LPAR1: variants seen among roughly 807,000 people sequenced by gnomAD.
LPAR1 encodes the protein LPA receptor 1.
In LPAR1, 5 loss-of-function variants were observed where a neutral mutation model predicts 23.8. The ratio of observed to expected loss-of-function variants is 0.21; its 90% CI spans 0.11 to 0.44. LPAR1 has a LOEUF of 0.44. Among genes scored for constraint, LPAR1 ranks in the 20% least tolerant of loss-of-function variants. LPAR1 has a pLI of 0.99. For synonymous variants in LPAR1, 160 were observed against 164.7 expected, an observed-to-expected ratio of 0.97 and a Z score of 0.22; for missense variants, 311 against 482.8, an observed-to-expected ratio of 0.64 and a Z score of 3.33.
chr9:111,036,944 T>A (rs561571023), intron 1 of LPAR1, among the ~76,000 whole-genome samples: 8 of 152,354 alleles, frequency 5.3e-5, no homozygotes, highest in Non-Finnish European at 8.8e-5. Flanking sequence ...TGTATTTTAA[T>A]GATGTTTAGT....
At position 111,017,252 on chromosome 9, in the gene LPAR1, T is replaced by A. The variant is rs188888056; in HGVS notation, c.-182+18870A>T. Among the ~76,000 whole-genome samples the A allele has an allele frequency of 4.4e-3, 677 of 152,336 alleles. 7 individuals are homozygous for A. The highest frequency in any genetic ancestry group is 0.017 in the Middle Eastern group (5 of 294). On this transcript the variant is annotated intron_variant, in intron 2 of 5. Coordinates refer to ENST00000683809, the MANE Select transcript of LPAR1 (RefSeq NM_001351411.2). ...ACTTCCTCTTACCCCATTTCCTTCC[T>A]ATGCTTATTAAATTTCACTATATTT...
chr9:110,945,125 A>T (rs922539309), intron 4 of LPAR1, among the ~76,000 whole-genome samples: 1 of 152,200 alleles, frequency 6.6e-6, no homozygotes, highest in Non-Finnish European at 1.5e-5. Flanking sequence ...GCAGAAAGCA[A>T]CAGGTCAAAA....
At chr9:110,972,956 A>C (rs936773439) in intron 3 of LPAR1, among the ~76,000 whole-genome samples, 2 of 151,864 alleles carry the variant, frequency 1.3e-5, no homozygotes, top group African/African-American at 4.8e-5. Flanking sequence ...CAAAAAAAAG[A>C]AAAAGAAAAA....
At chr9:110,943,925 AG>A (rs897334540) in intron 4 of LPAR1, among the ~76,000 whole-genome samples, 1 of 151,998 alleles carries the variant, frequency 6.6e-6, no homozygotes, top group Non-Finnish European at 1.5e-5. Flanking sequence ...ACATGTTTTA[AG>A]GGCTTATGAG....
At chr9:110,950,222 G>T (rs1364828798) in intron 4 of LPAR1, among the ~76,000 whole-genome samples, 2 of 152,002 alleles carry the variant, frequency 1.3e-5, no homozygotes, top group African/African-American at 4.8e-5. Flanking sequence ...CACTGTGAAG[G>T]GCTGAGGCAG....
chr9:110,934,869 G>A (rs10980640), intron 5 of LPAR1, among the ~76,000 whole-genome samples: 24,675 of 151,716 alleles, frequency 0.16, 2,743 homozygotes, highest in East Asian at 0.6. Context: ...GAGGAGAGGA[G>A]AGAGAGAGCA....
intron 5 of LPAR1, among the ~76,000 whole-genome samples, chr9:110,926,288 G>C (rs1182499360): frequency 6.6e-6 from 1 of 152,180 alleles, no homozygotes; most frequent in Non-Finnish European, 1.5e-5. Context: ...ATACCATGCT[G>C]ACTCAGGAAG....
At chr9:110,906,167 A>C (rs1447008154) in intron 5 of LPAR1, among the ~76,000 whole-genome samples, 1 of 150,092 alleles carries the variant, frequency 6.7e-6, no homozygotes, top group African/African-American at 2.4e-5. Context: ...CTAAAGCCAA[A>C]ATTCTCCCTG....
intron 4 of LPAR1, among the ~76,000 whole-genome samples, chr9:110,956,627 A>G (rs2095764083): frequency 1.3e-5 from 2 of 152,134 alleles, no homozygotes; most frequent in Non-Finnish European, 1.5e-5. Context: ...CTGATACCAT[A>G]GAAATACAAA....
Position 110,941,542 on chromosome 9 carries a change from G to C in LPAR1, c.672C>G (p.Leu224=). 6.2e-7 allele frequency: 1 copy of C among 1,614,120 alleles called. No individual in the cohort carries two copies. The change falls in exon 5 of 6, where the codon CTC becomes CTG. Residue 224 remains leucine (L), a synonymous_variant. Transcript: ENST00000683809. This position sits in a 1 kb window ranked among gnomAD's most constrained non-coding sequence, Gnocchi z 6.1. ...NLVTFVVMVV[L]YAHIFGYVRQ... is the part of the protein sequence containing the mutation. ...GAACATAGCCAAAGATGTGAGCATAGAGAACCACCATTACCACAAAGGTCA... is the reference window on the plus strand; with the variant it reads ...GAACATAGCCAAAGATGTGAGCATACAGAACCACCATTACCACAAAGGTCA...
intron 2 of LPAR1, among the ~76,000 whole-genome samples, chr9:111,007,538 T>C (rs749511244): frequency 1.7e-4 from 26 of 152,152 alleles, no homozygotes; most frequent in Non-Finnish European, 2.8e-4. Flanking sequence ...GTGCCTAACT[T>C]AAAGTGATTA....
intron 5 of LPAR1, among the ~76,000 whole-genome samples, chr9:110,907,960 T>A (rs1459656963): frequency 7.9e-6 from 1 of 126,448 alleles, no homozygotes; most frequent in Admixed American, 7.9e-5. Flanking sequence ...CACACACAGC[T>A]TTTCTGATTT....
intron 2 of LPAR1, among the ~76,000 whole-genome samples, chr9:110,991,966 G>C (rs775744212): frequency 6.7e-6 from 1 of 149,518 alleles, no homozygotes; most frequent in Non-Finnish European, 1.5e-5. Flanking sequence ...AAGACTTCTG[G>C]ATAAAACTAA....
intron 2 of LPAR1, among the ~76,000 whole-genome samples, chr9:110,981,972 C>T (rs1429148909): frequency 6.6e-6 from 1 of 152,112 alleles, no homozygotes; most frequent in Non-Finnish European, 1.5e-5. Context: ...AGTCAGGAAT[C>T]AACAGATGCT....
intron 5 of LPAR1, among the ~76,000 whole-genome samples, chr9:110,909,729 GTATT>G (rs56693702): frequency 0.15 from 22,168 of 147,668 alleles, 2,812 homozygotes; most frequent in East Asian, 0.59. Context: ...ATTAAATAAA[GTATT>G]TATTTATTTA....
chr9:110,959,771 A>G (rs951148160), intron 4 of LPAR1, among the ~76,000 whole-genome samples: 1 of 152,226 alleles, frequency 6.6e-6, no homozygotes, highest in African/African-American at 2.4e-5. Context: ...ATGAATGGAT[A>G]AAGAAAATGT....
intron 5 of LPAR1, among the ~76,000 whole-genome samples, chr9:110,920,021 G>A (rs1331363686): frequency 6.6e-6 from 1 of 152,182 alleles, no homozygotes; most frequent in Non-Finnish European, 1.5e-5. Context: ...AGGCCACAAA[G>A]GAGGAGGCAA....
intron 5 of LPAR1, among the ~76,000 whole-genome samples, chr9:110,882,283 G>C (rs2081090223): frequency 1.3e-5 from 2 of 152,270 alleles, no homozygotes; most frequent in African/African-American, 4.8e-5. Flanking sequence ...TTTCATGTCT[G>C]TATCTCTGGA....
intron 2 of LPAR1, among the ~76,000 whole-genome samples, chr9:110,976,099 C>T (rs1588640966): frequency 1.3e-5 from 2 of 152,100 alleles, no homozygotes; most frequent in South Asian, 2.1e-4. Flanking sequence ...TCATGCCATA[C>T]AGTATCTAGC....
Sources: allele counts gnomAD v4.1 joint callset (sites outside exome capture counted in the v4.1 genomes callset), GRCh38; gene constraint gnomAD v4.1.1; non-coding constraint Gnocchi (gnomAD v3.1); transcripts MANE v1.5; gene names NCBI Gene and HGNC (gene_info 2026-07-23, HGNC 2026-07-21).